Variants in CYP7B1 observed in about 807,000 individuals in gnomAD.
CYP7B1 encodes the protein cytochrome P450 7B1.
A neutral mutation model predicts 42.7 loss-of-function variants in CYP7B1; 29 were observed. The ratio of observed to expected loss-of-function variants is 0.68; its 90% CI spans 0.51 to 0.93. The LOEUF is 0.93. Among genes scored for constraint, CYP7B1 ranks in the 40% least tolerant of loss-of-function variants. The probability of loss-of-function intolerance (pLI) is 0.00; values close to 1 mark genes in which losing one functional copy is unlikely to be tolerated. For synonymous variants in CYP7B1, 235 were observed against 218.2 expected, an observed-to-expected ratio of 1.08 and a Z score of -0.68; for missense variants, 655 against 600.5, an observed-to-expected ratio of 1.09 and a Z score of -0.95.
chr8:64,663,070 T>C (rs1806222430), intron 1 of CYP7B1, among the ~76,000 whole-genome samples: 1 of 152,246 alleles, frequency 6.6e-6, no homozygotes, highest in South Asian at 2.1e-4. Flanking sequence ...CTTAGCAAGC[T>C]TCTACATATC....
At chr8:64,647,073 C>T (rs566390777) in intron 1 of CYP7B1, among the ~76,000 whole-genome samples, 1 of 152,110 alleles carries the variant, frequency 6.6e-6, no homozygotes, top group South Asian at 2.1e-4. Context: ...CACTTAAAGG[C>T]CACTGTAGGG....
chr8:64,766,481 A>T (rs1807974591), intron 1 of CYP7B1, among the ~76,000 whole-genome samples: 1 of 151,866 alleles, frequency 6.6e-6, no homozygotes, highest in African/African-American at 2.4e-5. Flanking sequence ...TATAATAGAG[A>T]TCAGGAGGAG....
Position 64,638,323 on chromosome 8 carries a change from G to C in CYP7B1, c.123-13784C>G, listed in dbSNP as rs531133320. On this transcript the variant is annotated intron_variant, in intron 1 of 5. Transcript: ENST00000310193. ...GGACTTTCTTCCATGGTGGCTGGAA[G>C]GGAATCTTGTTTTGATGAGCTACCT... Among the ~76,000 whole-genome samples, 10 of 152,170 alleles carry C rather than the reference G, an allele frequency of 6.6e-5. No homozygotes were observed. In the East Asian group the frequency reaches 1.9e-3, roughly 29 times the overall value.
intron 1 of CYP7B1, among the ~76,000 whole-genome samples, chr8:64,778,850 C>A (rs1392245177): frequency 6.6e-6 from 1 of 152,056 alleles, no homozygotes; most frequent in East Asian, 1.9e-4. Context: ...ACACAGTAGA[C>A]CCCAAACCTC....
At chr8:64,642,926 G>T (rs1376654769) in intron 1 of CYP7B1, among the ~76,000 whole-genome samples, 2 of 151,676 alleles carry the variant, frequency 1.3e-5, no homozygotes, top group Non-Finnish European at 2.9e-5. Flanking sequence ...ACATATGTCT[G>T]TTTATGCTAA....
chr8:64,735,865 C>T (rs72656477), intron 1 of CYP7B1, among the ~76,000 whole-genome samples: 6,006 of 151,926 alleles, frequency 0.04, 183 homozygotes, highest in Non-Finnish European at 0.063. Context: ...AGTGCCTGAT[C>T]GAGAGAGAAA....
chr8:64,733,044 T>G (rs1312449970), intron 1 of CYP7B1: 1 of 152,618 alleles, frequency 6.6e-6, no homozygotes, highest in Non-Finnish European at 1.5e-5. Flanking sequence ...CATGATGGCA[T>G]GTTCTTTCCA....
At chr8:64,704,443 TG>T (rs145571313) in intron 1 of CYP7B1, among the ~76,000 whole-genome samples, 2,627 of 152,194 alleles carry the variant, frequency 0.017, 28 homozygotes, top group Non-Finnish European at 0.026. Context: ...AACATCTCAA[TG>T]TGTAGCATTA....
At chr8:64,608,821 T>C (rs1045271001) in intron 4 of CYP7B1, among the ~76,000 whole-genome samples, 2 of 152,212 alleles carry the variant, frequency 1.3e-5, no homozygotes, top group Non-Finnish European at 2.9e-5. Context: ...AAATAATTAA[T>C]CTTTGGCTCA....
intron 1 of CYP7B1, among the ~76,000 whole-genome samples, chr8:64,663,717 C>A (rs893499533): frequency 2.5e-4 from 38 of 151,856 alleles, no homozygotes; most frequent in African/African-American, 9.2e-4. Flanking sequence ...AAATAATATG[C>A]AGGCATGTCT....
chr8:64,726,892 A>C (rs1439660378), intron 1 of CYP7B1, among the ~76,000 whole-genome samples: 1 of 152,136 alleles, frequency 6.6e-6, no homozygotes, highest in East Asian at 1.9e-4. Flanking sequence ...TTTGGAGGAC[A>C]ACTCTCAGGC....
intron 1 of CYP7B1, among the ~76,000 whole-genome samples, chr8:64,754,138 G>A (rs993268421): frequency 7.2e-5 from 11 of 152,164 alleles, no homozygotes; most frequent in Non-Finnish European, 1.2e-4. Flanking sequence ...TACACAGAGG[G>A]GACAGAGGGT....
chr8:64,653,442 T>G (rs773331433), intron 1 of CYP7B1, among the ~76,000 whole-genome samples: 37 of 151,990 alleles, frequency 2.4e-4, no homozygotes, highest in Non-Finnish European at 4.6e-4. Flanking sequence ...CTCTCAAGAC[T>G]GAACCAGGAA....
chr8:64,625,116 G>A (rs1805591280), intron 1 of CYP7B1, among the ~76,000 whole-genome samples: 1 of 151,912 alleles, frequency 6.6e-6, no homozygotes, highest in Non-Finnish European at 1.5e-5. Context: ...TGGGACTACA[G>A]GCGCCTGCCA....
At chr8:64,635,934 G>C (rs990098477) in intron 1 of CYP7B1, among the ~76,000 whole-genome samples, 5 of 152,150 alleles carry the variant, frequency 3.3e-5, no homozygotes, top group Non-Finnish European at 7.4e-5. Flanking sequence ...GTGCTTCTTT[G>C]TATCTATGTA....
At chr8:64,713,715 T>G (rs1807114044) in intron 1 of CYP7B1, among the ~76,000 whole-genome samples, 1 of 151,570 alleles carries the variant, frequency 6.6e-6, no homozygotes, top group African/African-American at 2.4e-5. Context: ...TAATGACCAG[T>G]AGGGTAATAT....
chr8:64,605,062 G>A (rs1393075108), intron 4 of CYP7B1, among the ~76,000 whole-genome samples: 1 of 152,190 alleles, frequency 6.6e-6, no homozygotes, highest in Admixed American at 6.5e-5. Context: ...GCAAGGCTTG[G>A]GGGCATTTCA....
At chr8:64,729,385 C>T (rs988970846) in intron 1 of CYP7B1, among the ~76,000 whole-genome samples, 11 of 152,100 alleles carry the variant, frequency 7.2e-5, no homozygotes, top group African/African-American at 9.7e-5. Context: ...CAGACACACA[C>T]GAAGGCAGTC....
intron 1 of CYP7B1, among the ~76,000 whole-genome samples, chr8:64,730,289 C>T (rs1307405623): frequency 6.6e-6 from 1 of 151,694 alleles, no homozygotes; most frequent in Non-Finnish European, 1.5e-5. Context: ...AGGTTGGTCT[C>T]AAACTCCTGA....
Sources: allele counts gnomAD v4.1 joint callset (sites outside exome capture counted in the v4.1 genomes callset), GRCh38; gene constraint gnomAD v4.1.1; transcripts MANE v1.5; gene names NCBI Gene and HGNC (gene_info 2026-07-23, HGNC 2026-07-21).